The following DACH2 variants were observed in gnomAD, a reference collection of about 807,000 sequenced individuals.
DACH2 encodes dachshund family transcription factor 2.
Under a neutral mutation model 35.8 loss-of-function variants are expected in DACH2, and 17 were observed. The observed-to-expected ratio is 0.48, with a 90% CI of 0.33 to 0.71. The LOEUF is 0.71. Ranked by LOEUF, DACH2 falls within the 30% of genes least tolerant of loss-of-function variation. DACH2 has a pLI of 0.02. For synonymous variants in DACH2, 195 were observed against 177.3 expected (o/e 1.10, Z -0.79); for missense variants, 469 against 472.7 (o/e 0.99, Z 0.07).
At chrX:86,607,031 T>A (rs1226232416) in intron 3 of DACH2, among the ~76,000 whole-genome samples, 2 of 111,941 alleles carry the variant, frequency 1.8e-5, no homozygotes, top group Non-Finnish European at 3.8e-5. Flanking sequence ...TTTTTATGGT[T>A]TCCATTAGCA....
chrX:86,729,511 C>A (rs1453516223), intron 6 of DACH2, among the ~76,000 whole-genome samples: 1 of 111,456 alleles, frequency 9.0e-6, no homozygotes, highest in African/African-American at 3.3e-5. Flanking sequence ...GTTGGAAAGG[C>A]ATGATTGTAT....
chrX:86,441,375 T>C (rs913776498), intron 2 of DACH2, among the ~76,000 whole-genome samples: 7 of 111,236 alleles, frequency 6.3e-5, no homozygotes, highest in Non-Finnish European at 1.3e-4. Context: ...ATGTGAAGAT[T>C]GTCTTTCTAT....
chrX:86,305,331 T>C (rs1290677257), intron 1 of DACH2, among the ~76,000 whole-genome samples: 4 of 111,889 alleles, frequency 3.6e-5, no homozygotes, highest in Admixed American at 1.9e-4. Flanking sequence ...TTTCTCCTGA[T>C]ATAAAATGAT....
intron 1 of DACH2, among the ~76,000 whole-genome samples, chrX:86,297,264 T>A (rs1003148885): frequency 9.1e-6 from 1 of 110,377 alleles, no homozygotes. Context: ...GACCAAATTC[T>A]CAGTCCATGG....
chrX:86,416,914 C>A (rs144704263), intron 2 of DACH2, among the ~76,000 whole-genome samples: 1 of 108,761 alleles, frequency 9.2e-6, no homozygotes, highest in South Asian at 4.1e-4. Flanking sequence ...GCCAATATGG[C>A]GAAACCCCGT....
At chrX:86,569,344 T>A (rs2039334304) in intron 3 of DACH2, among the ~76,000 whole-genome samples, 1 of 111,493 alleles carries the variant, frequency 9.0e-6, no homozygotes, top group South Asian at 3.7e-4. Context: ...ATCCATGACT[T>A]GTGACAAAGG....
At chrX:86,522,352 A>T (rs772920480) in intron 3 of DACH2, among the ~76,000 whole-genome samples, 2 of 111,874 alleles carry the variant, frequency 1.8e-5, no homozygotes, top group Admixed American at 9.5e-5. Context: ...CAAGTAATCA[A>T]CATATTAATT....
At chrX:86,733,332 T>G (rs1274675663) in intron 6 of DACH2, among the ~76,000 whole-genome samples, 1 of 111,849 alleles carries the variant, frequency 8.9e-6, no homozygotes, top group Non-Finnish European at 1.9e-5. Context: ...ATGTTTCTTG[T>G]TGTTTTTTGT....
chrX:86,160,871 A>G, intron 1 of DACH2: 1 of 555,548 alleles, frequency 1.8e-6, no homozygotes, highest in Non-Finnish European at 3.2e-6. Context: ...CACCAAGTAC[A>G]GTACCAATGC....
At chrX:86,614,553 G>T (rs934781043) in intron 3 of DACH2, among the ~76,000 whole-genome samples, 40 of 111,312 alleles carry the variant, frequency 3.6e-4, no homozygotes, top group African/African-American at 1.3e-3. Context: ...TTTCCCATTT[G>T]TCCCTTGATA....
intron 1 of DACH2, among the ~76,000 whole-genome samples, chrX:86,370,660 A>G (rs949595866): frequency 2.7e-5 from 3 of 111,741 alleles, no homozygotes; most frequent in Non-Finnish European, 5.7e-5. Flanking sequence ...GTAGACAAAG[A>G]TGACATAGCA....
chrX:86,553,693 A>AT (rs2039080136), intron 3 of DACH2, among the ~76,000 whole-genome samples: 1 of 111,959 alleles, frequency 8.9e-6, no homozygotes, highest in Admixed American at 9.5e-5. Context: ...ATGTATGTAG[A>AT]TATGTTTAGA....
At chrX:86,813,647 GTAATAA>G (rs1244610545) in intron 9 of DACH2, among the ~76,000 whole-genome samples, 1 of 101,663 alleles carries the variant, frequency 9.8e-6, no homozygotes, top group Admixed American at 1.1e-4. Flanking sequence ...AATAATAATA[GTAATAA>G]TAATAATAAT....
At chrX:86,763,461 T>C (rs1163005512) in intron 7 of DACH2, among the ~76,000 whole-genome samples, 3 of 112,190 alleles carry the variant, frequency 2.7e-5, no homozygotes, top group Admixed American at 9.4e-5. Context: ...ACTTTTTTTT[T>C]GTTTTGTTTT....
intron 1 of DACH2, among the ~76,000 whole-genome samples, chrX:86,356,769 A>C (rs1485626568): frequency 1.8e-5 from 2 of 111,753 alleles, no homozygotes; most frequent in African/African-American, 6.5e-5. Flanking sequence ...ATGAGTTGAA[A>C]ATATTTTTTC....
In DACH2 at chrX:86,426,759, T is replaced by C. The variant is rs1237460776; in HGVS notation, c.527+49897T>C. 2.7e-5 allele frequency among the ~76,000 whole-genome samples: 3 copies of C among 111,445 alleles called. No individual in the cohort carries two copies. The Admixed American group carries it at 2.9e-4, about 11-fold the overall frequency. On this transcript the variant is annotated intron_variant, in intron 2 of 11. Coordinates refer to ENST00000373125, the MANE Select transcript of DACH2 (RefSeq NM_053281.3). ...CTCAGTCTAACCCCAAAGAGGCAAG[T>C]TATAGAATCTCCCAAGATAGTCTGC...
In DACH2 at chrX:86,663,942, A is replaced by G. The variant is rs761324143; in HGVS notation, c.772+12775A>G. On this transcript the variant is annotated intron_variant, in intron 4 of 11. Transcript: ENST00000373125. Reference sequence around the variant, plus strand: ...TGCAGAAATTTGCAAAGAAACCTCTATAAACCATTAGGACTGATTTGCATC... The same window carrying G: ...TGCAGAAATTTGCAAAGAAACCTCTGTAAACCATTAGGACTGATTTGCATC... Among the ~76,000 whole-genome samples, 167 of 112,367 alleles carry G rather than the reference A, an allele frequency of 1.5e-3. 1 individual carries two copies. Among genetic ancestry groups the G allele is most frequent in the African/African-American group, 3.8e-3 (118 of 31,041 alleles).
chrX:86,461,637 CAA>C (rs1401153028), intron 2 of DACH2, among the ~76,000 whole-genome samples: 2 of 110,992 alleles, frequency 1.8e-5, no homozygotes, highest in Admixed American at 9.7e-5. Context: ...GTTTATTTAA[CAA>C]AGTGTCATTG....
chrX:86,432,419 T>G (rs2036998527), intron 2 of DACH2, among the ~76,000 whole-genome samples: 1 of 112,224 alleles, frequency 8.9e-6, no homozygotes, highest in Admixed American at 9.5e-5. Flanking sequence ...ACAGTAATCC[T>G]GACAAAAGAG....
Sources: allele counts gnomAD v4.1 joint callset (sites outside exome capture counted in the v4.1 genomes callset), GRCh38; gene constraint gnomAD v4.1.1; transcripts MANE v1.5; gene names NCBI Gene and HGNC (gene_info 2026-07-23, HGNC 2026-07-21).